Variants in ZNF783 observed in about 807,000 individuals in gnomAD.
The protein encoded by ZNF783 is protein ZNF783.
In ZNF783, 25 loss-of-function variants were observed where a neutral mutation model predicts 31.3. That is an observed-to-expected ratio of 0.80 (90% confidence interval 0.58 to 1.11). The LOEUF is 1.11. ZNF783 is among the 50% of genes most tolerant of loss of function. ZNF783 has a pLI of 0.00. For synonymous variants in ZNF783, 369 were observed against 319.1 expected (o/e 1.16, Z -1.66); for missense variants, 797 against 760.0 (o/e 1.05, Z -0.57).
chr7:149,263,598 T>C (rs761276748), intron 1 of ZNF783, among the ~76,000 whole-genome samples: 2 of 151,872 alleles, frequency 1.3e-5, no homozygotes, highest in South Asian at 2.1e-4. Context: ...GAAGGAAGAA[T>C]CACATCAGTT....
At position 149,262,231 on chromosome 7, in the gene ZNF783, A is replaced by G; in HGVS notation, c.-103A>G. On this transcript the variant is annotated 5_prime_UTR_variant, in exon 1 of 6. Transcript: ENST00000434415. ...TCGCTGCCGCCCGGCAGTAGCTCTCAGGTTAGGCGGGTCCCGCTCCGCTTC... is the reference window on the plus strand; with the variant it reads ...TCGCTGCCGCCCGGCAGTAGCTCTCGGGTTAGGCGGGTCCCGCTCCGCTTC... The G allele has an allele frequency of 9.2e-7, 1 of 1,087,234 alleles. No homozygotes were observed. Among genetic ancestry groups the G allele is most frequent in the Non-Finnish European group, 1.2e-6 (1 of 842,224 alleles). 67.3% of individuals were successfully genotyped at this position (1,087,234 alleles called of 1,614,324 possible).
intron 4 of ZNF783, among the ~76,000 whole-genome samples, chr7:149,269,750 A>G (rs561297707): frequency 9.9e-5 from 15 of 152,164 alleles, no homozygotes; most frequent in African/African-American, 3.6e-4. Flanking sequence ...TACATGTGCC[A>G]TGTTGGTGTG....
intron 4 of ZNF783, among the ~76,000 whole-genome samples, chr7:149,272,919 TA>T (rs1797241405): frequency 6.6e-6 from 1 of 151,282 alleles, no homozygotes; most frequent in South Asian, 2.1e-4. Flanking sequence ...CAGCCTTCAG[TA>T]ACCATCATTC....
chr7:149,280,142 G>C (rs1797430479), intron 5 of ZNF783, among the ~76,000 whole-genome samples: 1 of 148,544 alleles, frequency 6.7e-6, no homozygotes. Context: ...TGGCCGGGCG[G>C]GGGGCTGACC....
At chr7:149,279,598 C>T (rs1274785679) in intron 5 of ZNF783, among the ~76,000 whole-genome samples, 3 of 149,202 alleles carry the variant, frequency 2.0e-5, no homozygotes, top group South Asian at 2.1e-4. Flanking sequence ...GTCTTTCTCA[C>T]GTGGCCGCCA....
intron 1 of ZNF783, among the ~76,000 whole-genome samples, chr7:149,263,267 T>C (rs1421176735): frequency 2.8e-5 from 1 of 35,198 alleles, no homozygotes; most frequent in Admixed American, 2.6e-4. Flanking sequence ...TATATATACG[T>C]GTGTGTGTGT....
In ZNF783 at chr7:149,278,483, A is replaced by G; in HGVS notation, c.758A>G (p.Gln253Arg). 1.9e-6 allele frequency: 3 copies of G among 1,599,370 alleles called. No individual in the cohort carries two copies. The highest frequency in any genetic ancestry group is 2.5e-6 in the Non-Finnish European group (3 of 1,179,768). Residue 253 changes from glutamine to arginine, a missense_variant, in exon 5 of 6, where the codon CAG becomes CGG. By Grantham distance (43) the Gln-to-Arg change is conservative. Coordinates refer to ENST00000434415, the MANE Select transcript of ZNF783 (RefSeq NM_001195220.2). ...ELKEGQAPKQ[Q>R]QDSEARVAPA... ...AAAGAAGGGCAGGCCCCCAAGCAGC[A>G]GCAGGACTCAGAGGCGAGAGTGGCC...
At chr7:149,268,456 TG>T (rs1205356938) in intron 4 of ZNF783, among the ~76,000 whole-genome samples, 1 of 152,214 alleles carries the variant, frequency 6.6e-6, no homozygotes, top group Non-Finnish European at 1.5e-5. Flanking sequence ...ATAATTCACC[TG>T]TTAAAGTGTA....
At position 149,284,366 on chromosome 7, in the gene ZNF783, A is replaced by G. The variant is rs890118985; in HGVS notation, c.*2023A>G. 2.6e-5 allele frequency: 4 copies of G among 152,288 alleles called. No homozygotes were observed. The highest frequency in any genetic ancestry group is 7.2e-5 in the African/African-American group (3 of 41,448). 9.4% of individuals were successfully genotyped at this position (152,288 alleles called of 1,614,324 possible). ...TGTCATCTCTGGGAGGAGAGTGAGT[A>G]TACAAGTCAGTGACAGTTCAGCCAG... On this transcript the variant is annotated 3_prime_UTR_variant, in exon 6 of 6. Transcript: ENST00000434415.
intron 5 of ZNF783, 126 bp from the exon 6 acceptor site, chr7:149,281,379 C>A (rs1797460277): frequency 4.2e-6 from 3 of 722,332 alleles, no homozygotes; most frequent in Non-Finnish European, 6.0e-6. Flanking sequence ...AGGACCCCTG[C>A]AATGTGCTGT....
intron 4 of ZNF783, among the ~76,000 whole-genome samples, chr7:149,275,255 C>T (rs534290589): frequency 2.7e-5 from 4 of 150,554 alleles, no homozygotes; most frequent in African/African-American, 9.7e-5. Context: ...CCGTATGCTG[C>T]GACTTTGCTG....
chr7:149,271,560 T>A (rs118063925), intron 4 of ZNF783, among the ~76,000 whole-genome samples: 25 of 152,328 alleles, frequency 1.6e-4, no homozygotes, highest in Middle Eastern at 3.4e-3. Context: ...ACAGTTGCAT[T>A]CATTTGTGTA....
chr7:149,264,043 C>T (rs1797003127), intron 1 of ZNF783, among the ~76,000 whole-genome samples: 1 of 152,196 alleles, frequency 6.6e-6, no homozygotes, highest in Admixed American at 6.5e-5. Flanking sequence ...CTCCTCCCTT[C>T]TTGCAGCACT....
intron 4 of ZNF783, among the ~76,000 whole-genome samples, chr7:149,273,095 A>T (rs1797244863): frequency 6.6e-6 from 1 of 152,152 alleles, no homozygotes; most frequent in South Asian, 2.1e-4. Flanking sequence ...CTTTTTTTAT[A>T]GCTGAGTATT....
At chr7:149,280,042 T>C (rs1407164624) in intron 5 of ZNF783, among the ~76,000 whole-genome samples, 1 of 150,118 alleles carries the variant, frequency 6.7e-6, no homozygotes, top group Admixed American at 6.6e-5. Flanking sequence ...CTAGTAGGGG[T>C]GGCCGGGCAG....
rs746016804 is a variant in ZNF783, at chr7:149,283,995, TTGG to T, written c.*1655_*1657del. Reference sequence around the variant, plus strand: ...CTGTTCCCCAGGAGTCCTTTGTATTTTGGTGAACAAATTCTTACCAAAGCATGA... The same window carrying T: ...CTGTTCCCCAGGAGTCCTTTGTATTTTGAACAAATTCTTACCAAAGCATGA... On this transcript the variant is annotated 3_prime_UTR_variant, in exon 6 of 6. Transcript: ENST00000434415. 2.6e-5 allele frequency: 4 copies of T among 152,200 alleles called. No individual in the cohort carries two copies. The highest frequency in any genetic ancestry group is 5.9e-5 in the Non-Finnish European group (4 of 68,030). 9.4% of individuals were successfully genotyped at this position (152,200 alleles called of 1,614,324 possible). A position where few individuals can be genotyped will look rare whatever the true frequency, so the allele number is the denominator to read the frequency against.
Position 149,266,694 on chromosome 7 carries a change from G to C in ZNF783, c.384G>C (p.Leu128Phe). The C allele has an allele frequency of 6.2e-7, 1 of 1,614,082 alleles. No individual in the cohort carries two copies. The highest frequency in any genetic ancestry group is 8.5e-7 in the Non-Finnish European group (1 of 1,180,002). ...NLLRNRNFWI[L>F]RLPPGSKGEA... ...TGCGCAACAGGAACTTCTGGATCTTGCGGCTGCCCCCGGGCAGCAAGGGGG... is the reference window on the plus strand; with the variant it reads ...TGCGCAACAGGAACTTCTGGATCTTCCGGCTGCCCCCGGGCAGCAAGGGGG... Residue 128 changes from leucine (L) to phenylalanine (F), a missense_variant, in exon 2 of 6, where the codon TTG (leucine) becomes TTC (phenylalanine). Physicochemically the swap from Leu to Phe is conservative, Grantham distance 22. Coordinates refer to ENST00000434415, the MANE Select transcript of ZNF783 (RefSeq NM_001195220.2).
At chr7:149,276,632 C>T (rs1797335121) in intron 4 of ZNF783, 1 of 968,316 alleles carries the variant, frequency 1.0e-6, no homozygotes, top group Non-Finnish European at 1.2e-6. Flanking sequence ...GTAGAGTGGA[C>T]AGGACCCCAC....
chr7:149,263,014 C>T (rs1211495847), intron 1 of ZNF783, among the ~76,000 whole-genome samples: 6 of 151,876 alleles, frequency 4.0e-5, no homozygotes, highest in African/African-American at 1.2e-4. Flanking sequence ...CTGCAAGCTC[C>T]GCCTCCCGGC....
Sources: gnomAD v4.1 joint callset for allele counts (sites outside exome capture counted in the v4.1 genomes callset) on GRCh38, gnomAD v4.1.1 for gene constraint, MANE v1.5 for transcripts, NCBI Gene and HGNC (gene_info 2026-07-23, HGNC 2026-07-21) for gene names.